RIPOR2: variants seen among roughly 807,000 people sequenced by gnomAD.
RIPOR2 encodes RHO family interacting cell polarization regulator 2.
A neutral mutation model predicts 114.5 loss-of-function variants in RIPOR2; 39 were observed. The ratio of observed to expected loss-of-function variants is 0.34; its 90% CI spans 0.26 to 0.44. RIPOR2 has a LOEUF of 0.44. Ranked by LOEUF, RIPOR2 falls within the 20% of genes least tolerant of loss-of-function variation. The pLI, the probability that RIPOR2 is intolerant of heterozygous loss-of-function variation, is 1.00. For missense variants in RIPOR2, 1,007 were observed against 1,255.1 expected (o/e 0.80, Z 2.99); for synonymous variants, 445 against 484.4 (o/e 0.92, Z 1.07).
chr6:24,978,596 G>C lies in RIPOR2; in HGVS notation c.76+63255C>G, dbSNP rs141847828. On this transcript the variant is annotated intron_variant, in intron 1 of 13. Transcript: ENST00000510784. ...CATCTTCAGAGGGTTATTATTTAGGGTTAAGTTTGATCCTTTTTTTGGTCA... is the reference window on the plus strand; with the variant it reads ...CATCTTCAGAGGGTTATTATTTAGGCTTAAGTTTGATCCTTTTTTTGGTCA... 7.6e-4 allele frequency among the ~76,000 whole-genome samples: 115 copies of C among 152,236 alleles called. 1 individual carries two copies. The highest frequency in any genetic ancestry group is 9.0e-4 in the Non-Finnish European group (61 of 68,024).
At chr6:24,995,617 T>A (rs76214422) in intron 1 of RIPOR2, among the ~76,000 whole-genome samples, 7,785 of 152,314 alleles carry the variant, frequency 0.051, 242 homozygotes, top group Non-Finnish European at 0.072. Context: ...CACAAAGCTC[T>A]GCTTACAGAG....
At chr6:25,039,673 G>A (rs958389054) in intron 1 of RIPOR2, among the ~76,000 whole-genome samples, 1 of 152,152 alleles carries the variant, frequency 6.6e-6, no homozygotes, top group African/African-American at 2.4e-5. Context: ...GTGAAACCAT[G>A]CAGATCCATA....
At chr6:24,939,012 T>C (rs1319819220), upstream of RIPOR2, among the ~76,000 whole-genome samples, 9 of 152,006 alleles carry the variant, frequency 5.9e-5, no homozygotes, top group African/African-American at 2.2e-4. Flanking sequence ...AATGAGCAAA[T>C]AAAAAAATGT....
In RIPOR2 at chr6:24,908,131, C is replaced by T. The variant is rs143033985; in HGVS notation, c.61+27707G>A. Among the ~76,000 whole-genome samples, 20 of 152,198 alleles carry T rather than the reference C, an allele frequency of 1.3e-4. No individual in the cohort carries two copies. The East Asian group carries it at 3.5e-3, about 27-fold the overall frequency. On this transcript the variant is annotated intron_variant, in intron 1 of 21. Transcript: ENST00000643898. The stretch of plus-strand genomic sequence containing the variant: ...CTGGTAAAGGAGCTGTTCACAAGCA[C>T]GAGGCCCTACTCACAGGACCACCGG...
At chr6:24,818,307 C>T (rs1042947328) in intron 20 of RIPOR2, among the ~76,000 whole-genome samples, 2 of 152,106 alleles carry the variant, frequency 1.3e-5, no homozygotes, top group Non-Finnish European at 2.9e-5. Flanking sequence ...AAACTGGTTC[C>T]CTTGGGCTAG....
chr6:25,001,341 G>A (rs1454070144), intron 1 of RIPOR2, among the ~76,000 whole-genome samples: 1 of 152,128 alleles, frequency 6.6e-6, no homozygotes, highest in African/African-American at 2.4e-5. Flanking sequence ...AGATCAGAGA[G>A]TAGTTGGGTG....
chr6:24,927,149 C>CTACAACTACAAT lies in RIPOR2; in HGVS notation c.61+8688_61+8689insATTGTAGTTGTA, dbSNP rs1770949127. ...CATCATCTCACTACCACCACCACCA[C>CTACAACTACAAT]CACCACCACCACAACTACAATCACC... On this transcript the variant is annotated intron_variant, in intron 1 of 21. Coordinates refer to ENST00000643898, the MANE Select transcript of RIPOR2 (RefSeq NM_001286445.3). Among the ~76,000 whole-genome samples, 4 of 51,506 alleles carry CTACAACTACAAT rather than the reference C, an allele frequency of 7.8e-5. 1 individual carries two copies. The highest frequency in any genetic ancestry group is 1.6e-4 in the Non-Finnish European group (4 of 25,042). The allele number at this position is 51,506 out of a possible 152,430, so 33.8% of individuals were successfully genotyped here.
upstream of RIPOR2, among the ~76,000 whole-genome samples, chr6:24,939,997 T>C (rs1229810169): frequency 6.6e-6 from 1 of 152,230 alleles, no homozygotes; most frequent in Non-Finnish European, 1.5e-5. Context: ...CCTTGCTTTG[T>C]GGAACTTTAC....
At chr6:24,991,191 T>A (rs1774796357) in intron 1 of RIPOR2, among the ~76,000 whole-genome samples, 2 of 152,188 alleles carry the variant, frequency 1.3e-5, no homozygotes, top group South Asian at 4.1e-4. Flanking sequence ...GTCTTTATAA[T>A]CACAGCTTCA....
At chr6:24,907,848 A>C (rs562266909) in intron 1 of RIPOR2, among the ~76,000 whole-genome samples, 1 of 152,156 alleles carries the variant, frequency 6.6e-6, no homozygotes. Flanking sequence ...TTCTGAACAG[A>C]TCTTTATAAT....
intron 1 of RIPOR2, among the ~76,000 whole-genome samples, chr6:25,019,774 CAAAAAAAA>C (rs34107737): frequency 2.4e-4 from 13 of 53,098 alleles, no homozygotes; most frequent in African/African-American, 8.8e-4. Context: ...GACTCTGTCT[CAAAAAAAA>C]AAAAAAAAAA....
intron 1 of RIPOR2, among the ~76,000 whole-genome samples, chr6:24,984,176 T>C (rs994223860): frequency 3.9e-5 from 6 of 152,240 alleles, no homozygotes; most frequent in African/African-American, 4.8e-5. Context: ...ATTTTGTTTG[T>C]TGTCTCACGC....
rs1264096464 is a variant in RIPOR2, at chr6:24,896,356, C to T, written c.62-20539G>A. On this transcript the variant is annotated intron_variant, in intron 1 of 21. Coordinates refer to ENST00000643898, the MANE Select transcript of RIPOR2 (RefSeq NM_001286445.3). ...GCTTAAACAGCGAAAGGGTTCATTG[C>T]TGTTCTTGTTACAGCGATGAGGATA... Among the ~76,000 whole-genome samples, 5 of 152,166 alleles carry T rather than the reference C, an allele frequency of 3.3e-5. No individual in the cohort carries two copies. In the East Asian group the frequency reaches 9.6e-4, roughly 29 times the overall value.
intron 1 of RIPOR2, among the ~76,000 whole-genome samples, chr6:24,917,537 CT>C (rs776840793): frequency 3.0e-4 from 45 of 151,690 alleles, no homozygotes; most frequent in Admixed American, 6.6e-4. Flanking sequence ...TTTTTTCTTT[CT>C]TTTTTTCTTG....
chr6:25,001,581 C>T (rs1384791060), intron 1 of RIPOR2, among the ~76,000 whole-genome samples: 3 of 134,530 alleles, frequency 2.2e-5, no homozygotes, highest in Non-Finnish European at 3.1e-5. Context: ...GCCAAGATCA[C>T]GCCACTGCAC....
chr6:24,885,449 C>T (rs1766745567), intron 1 of RIPOR2, among the ~76,000 whole-genome samples: 1 of 152,162 alleles, frequency 6.6e-6, no homozygotes, highest in Non-Finnish European at 1.5e-5. Flanking sequence ...GTCTTAAACT[C>T]CTGGGCTCAA....
chr6:24,905,465 C>T (rs558431386), intron 1 of RIPOR2, among the ~76,000 whole-genome samples: 2 of 152,114 alleles, frequency 1.3e-5, no homozygotes, highest in South Asian at 4.1e-4. Context: ...ACTTTATAAA[C>T]TAAAAATACG....
intron 1 of RIPOR2, chr6:25,024,014 G>C (rs1776469784): frequency 2.7e-6 from 2 of 751,006 alleles, no homozygotes; most frequent in Non-Finnish European, 5.0e-6. Flanking sequence ...TATTCCATCA[G>C]GTCATTACGG....
chr6:24,914,881 G>A (rs1229454019), intron 1 of RIPOR2, among the ~76,000 whole-genome samples: 1 of 152,162 alleles, frequency 6.6e-6, no homozygotes, highest in African/African-American at 2.4e-5. Flanking sequence ...AAGTGAAGTC[G>A]GTGCTCTAGG....
Sources: gnomAD v4.1 joint callset for allele counts (sites outside exome capture counted in the v4.1 genomes callset) on GRCh38, gnomAD v4.1.1 for gene constraint, MANE v1.5 for transcripts, NCBI Gene and HGNC (gene_info 2026-07-23, HGNC 2026-07-21) for gene names.